FERMT2: variants seen among roughly 807,000 people sequenced by gnomAD.
FERMT2 encodes FERM domain containing kindlin 2, also known as fermitin family homolog 2.
In FERMT2, 15 loss-of-function variants were observed where a neutral mutation model predicts 82.7. That is an observed-to-expected ratio of 0.18 (90% CI 0.12 to 0.28). The LOEUF is 0.28. FERMT2 is among the 10% of genes least tolerant of loss of function. The pLI, the probability that FERMT2 is intolerant of heterozygous loss-of-function variation, is 1.00. For missense variants in FERMT2, 645 were observed against 809.4 expected, an observed-to-expected ratio of 0.80 and a Z score of 2.46; for synonymous variants, 274 against 271.5, an observed-to-expected ratio of 1.01 and a Z score of -0.09.
intron 10 of FERMT2, among the ~76,000 whole-genome samples, chr14:52,868,915 C>T (rs527748288): frequency 3.2e-4 from 48 of 152,284 alleles, no homozygotes; most frequent in African/African-American, 1.1e-3. Flanking sequence ...GTGATGAGTG[C>T]AATGATCAGT....
intron 2 of FERMT2, among the ~76,000 whole-genome samples, chr14:52,932,116 G>C (rs994439602): frequency 1.3e-5 from 2 of 152,218 alleles, no homozygotes; most frequent in African/African-American, 4.8e-5. Flanking sequence ...TGGAGCCAAA[G>C]GACAGAGAAG....
chr14:52,900,944 T>C (rs962189621), intron 3 of FERMT2, among the ~76,000 whole-genome samples: 2 of 151,728 alleles, frequency 1.3e-5, no homozygotes, highest in African/African-American at 4.8e-5. Flanking sequence ...CTCCACCCAA[T>C]ATAGAGCTTC....
intron 7 of FERMT2, among the ~76,000 whole-genome samples, chr14:52,877,137 T>C (rs549325906): frequency 1.3e-5 from 2 of 152,294 alleles, no homozygotes; most frequent in East Asian, 1.9e-4. Flanking sequence ...GCACCTACTA[T>C]GTGCCAGGCA....
chr14:52,880,455 G>C (rs995520627), intron 6 of FERMT2, among the ~76,000 whole-genome samples: 1 of 152,162 alleles, frequency 6.6e-6, no homozygotes, highest in Admixed American at 6.5e-5. Context: ...CCGGAATGCA[G>C]TGGCATGATC....
chr14:52,913,328 G>A (rs1888430706), intron 3 of FERMT2, among the ~76,000 whole-genome samples: 1 of 152,148 alleles, frequency 6.6e-6, no homozygotes, highest in South Asian at 2.1e-4. Flanking sequence ...TCCCTCGGGA[G>A]TAAATGGGCC....
chr14:52,913,802 T>C (rs1183408053), intron 3 of FERMT2, among the ~76,000 whole-genome samples: 1 of 152,060 alleles, frequency 6.6e-6, no homozygotes, highest in African/African-American at 2.4e-5. Flanking sequence ...AACATCTAAC[T>C]TCATTCTATA....
intron 2 of FERMT2, among the ~76,000 whole-genome samples, chr14:52,941,452 T>A (rs1890087721): frequency 6.6e-6 from 1 of 151,954 alleles, no homozygotes; most frequent in African/African-American, 2.4e-5. Flanking sequence ...AGAAAAAAAA[T>A]TAACAGGAAA....
At chr14:52,900,108 G>A (rs529437349) in intron 3 of FERMT2, among the ~76,000 whole-genome samples, 3 of 150,962 alleles carry the variant, frequency 2.0e-5, no homozygotes, top group Non-Finnish European at 3.0e-5. Flanking sequence ...GTTTTTTTTT[G>A]TTTGTTTGTT....
At chr14:52,948,557 C>T (rs1442028836) in intron 2 of FERMT2, 1 of 455,678 alleles carries the variant, frequency 2.2e-6, no homozygotes, top group Non-Finnish European at 4.4e-6. Flanking sequence ...CACAGCATTT[C>T]CTACCTTGTT....
At chr14:52,889,048 C>G (rs576152460) in intron 4 of FERMT2, among the ~76,000 whole-genome samples, 2 of 152,208 alleles carry the variant, frequency 1.3e-5, no homozygotes, top group Admixed American at 1.3e-4. Context: ...GCGGGATGAG[C>G]CTGGGCTTAC....
At chr14:52,897,802 C>A (rs1887376045) in intron 3 of FERMT2, among the ~76,000 whole-genome samples, 1 of 151,964 alleles carries the variant, frequency 6.6e-6, no homozygotes, top group South Asian at 2.1e-4. Context: ...CATGGTGAAA[C>A]CCCGTCTCTA....
intron 3 of FERMT2, among the ~76,000 whole-genome samples, chr14:52,917,008 C>T (rs1888649981): frequency 6.6e-6 from 1 of 151,932 alleles, no homozygotes; most frequent in Non-Finnish European, 1.5e-5. Flanking sequence ...CAAAACAGAC[C>T]ATAATCAAGT....
chr14:52,931,952 C>A (rs1252285231), intron 2 of FERMT2, among the ~76,000 whole-genome samples: 1 of 152,178 alleles, frequency 6.6e-6, no homozygotes, highest in Non-Finnish European at 1.5e-5. Context: ...TCACCTGAAC[C>A]TGGGAGGCAG....
At chr14:52,889,101 T>C (rs1432652189) in intron 4 of FERMT2, among the ~76,000 whole-genome samples, 1 of 152,148 alleles carries the variant, frequency 6.6e-6, no homozygotes, top group Non-Finnish European at 1.5e-5. Context: ...CCCAGGCAAG[T>C]GATTTAGCCA....
intron 3 of FERMT2, among the ~76,000 whole-genome samples, chr14:52,914,215 TA>T (rs981639888): frequency 6.6e-6 from 1 of 150,438 alleles, no homozygotes; most frequent in Non-Finnish European, 1.5e-5. Context: ...AAAAAATATA[TA>T]AAAATTAGCC....
At chr14:52,942,019 G>A (rs1405762096) in intron 2 of FERMT2, among the ~76,000 whole-genome samples, 1 of 152,002 alleles carries the variant, frequency 6.6e-6, no homozygotes, top group Non-Finnish European at 1.5e-5. Context: ...TTGTTGTTTA[G>A]AGGGTGGGAA....
In FERMT2 at chr14:52,878,659, C is replaced by A; in HGVS notation, c.886G>T (p.Glu296Ter). The change falls in exon 7 of 15, where the codon GAG becomes TAG. Residue 296 changes from glutamate (E) to a stop codon, truncating the protein, a stop_gained. Transcript: ENST00000341590. LOFTEE classifies it high-confidence loss of function. ...YDAIRINQLY[E>*]QAKWAILLEE... Reference sequence around the variant, plus strand: ...AGGAGAATGGCCCATTTGGCCTGCTCGTAAAGCTGATTGATTCTGATTGCA... The same window carrying A: ...AGGAGAATGGCCCATTTGGCCTGCTAGTAAAGCTGATTGATTCTGATTGCA... 1 of 1,605,454 alleles carries A rather than the reference C, an allele frequency of 6.2e-7. No individual in the cohort carries two copies. Among genetic ancestry groups the A allele is most frequent in the South Asian group, 1.1e-5 (1 of 90,026 alleles).
intron 3 of FERMT2, among the ~76,000 whole-genome samples, chr14:52,905,909 A>G (rs1204730048): frequency 6.6e-6 from 1 of 152,266 alleles, no homozygotes; most frequent in Non-Finnish European, 1.5e-5. Context: ...AAGAAAATCT[A>G]GGAAAAATTA....
intron 12 of FERMT2, chr14:52,860,927 A>ACTACTGGGGTAAATTCCATGAGGG: frequency 1.1e-6 from 1 of 920,478 alleles, no homozygotes; most frequent in South Asian, 1.6e-5. Context: ...TTTAAATTTC[A>ACTACTGGGGTAAATTCCATGAGGG]CTACTGGGGT....
Sources: gnomAD v4.1 joint callset for allele counts (sites outside exome capture counted in the v4.1 genomes callset) on GRCh38, gnomAD v4.1.1 for gene constraint, MANE v1.5 for transcripts, NCBI Gene and HGNC (gene_info 2026-07-23, HGNC 2026-07-21) for gene names.